The following SLC4A4 variants were observed in gnomAD, a reference collection of about 807,000 sequenced individuals.
The protein encoded by SLC4A4 is solute carrier family 4 member 4, also known as electrogenic sodium bicarbonate cotransporter 1.
In SLC4A4, 27 loss-of-function variants were observed where a neutral mutation model predicts 111.5. The observed-to-expected ratio is 0.24, with a 90% confidence interval of 0.18 to 0.33. SLC4A4 has a LOEUF of 0.33. Ranked by LOEUF, SLC4A4 falls within the 10% of genes least tolerant of loss-of-function variation. SLC4A4 has a pLI of 1.00. For missense variants in SLC4A4, 909 were observed against 1,315.5 expected, an observed-to-expected ratio of 0.69 and a Z score of 4.78; for synonymous variants, 443 against 463.4, an observed-to-expected ratio of 0.96 and a Z score of 0.57.
At chr4:71,382,233 C>T (rs150886103) in intron 6 of SLC4A4, among the ~76,000 whole-genome samples, 65 of 151,682 alleles carry the variant, frequency 4.3e-4, no homozygotes, top group African/African-American at 1.5e-3. Context: ...TTCCCAGTTT[C>T]AGGCTGGCGA....
chr4:71,508,495 A>G (rs920088664), intron 16 of SLC4A4, among the ~76,000 whole-genome samples: 1 of 152,162 alleles, frequency 6.6e-6, no homozygotes, highest in African/African-American at 2.4e-5. Flanking sequence ...ATGCACATAC[A>G]CTAGGAAGTC....
intron 1 of SLC4A4, among the ~76,000 whole-genome samples, chr4:71,084,210 G>C (rs1374055801): frequency 2.0e-5 from 3 of 151,952 alleles, no homozygotes; most frequent in African/African-American, 7.3e-5. Flanking sequence ...CATCTTCTAA[G>C]AGCATTATTA....
At chr4:71,369,552 T>C (rs1731656175) in intron 6 of SLC4A4, among the ~76,000 whole-genome samples, 1 of 152,150 alleles carries the variant, frequency 6.6e-6, no homozygotes, top group Non-Finnish European at 1.5e-5. Flanking sequence ...AGCATTCAAG[T>C]GCTAAGTAAG....
chr4:71,229,131 C>T (rs1324595183), intron 1 of SLC4A4, among the ~76,000 whole-genome samples: 1 of 152,296 alleles, frequency 6.6e-6, no homozygotes, highest in East Asian at 1.9e-4. Context: ...AAAATTTTGT[C>T]ACTCCATATA....
At chr4:71,225,522 T>C (rs10017746) in intron 1 of SLC4A4, among the ~76,000 whole-genome samples, 2 of 152,140 alleles carry the variant, frequency 1.3e-5, no homozygotes, top group African/African-American at 4.8e-5. Flanking sequence ...CTGACTGACA[T>C]GTAGCAAGAA....
At chr4:71,309,276 G>T (rs1351324196) in intron 3 of SLC4A4, among the ~76,000 whole-genome samples, 1 of 152,214 alleles carries the variant, frequency 6.6e-6, no homozygotes, top group Non-Finnish European at 1.5e-5. Context: ...GGGTGGCTGT[G>T]GGTGCAGCTT....
At chr4:71,354,109 C>T (rs1001140121) in intron 5 of SLC4A4, among the ~76,000 whole-genome samples, 1 of 152,198 alleles carries the variant, frequency 6.6e-6, no homozygotes, top group Admixed American at 6.5e-5. Context: ...TATTAGTATC[C>T]TCATTGTAAT....
At chr4:71,383,484 A>G (rs555975845) in intron 6 of SLC4A4, among the ~76,000 whole-genome samples, 2 of 152,336 alleles carry the variant, frequency 1.3e-5, no homozygotes, top group South Asian at 2.1e-4. Context: ...CCACCTCAGG[A>G]TATGAATTAG....
chr4:71,368,932 G>C (rs751518049), intron 6 of SLC4A4, among the ~76,000 whole-genome samples: 122 of 152,248 alleles, frequency 8.0e-4, no homozygotes, highest in Middle Eastern at 3.4e-3. Context: ...ACCCGCTTGT[G>C]TGATTTGCTT....
At chr4:71,533,127 G>T in intron 17 of SLC4A4, among the ~76,000 whole-genome samples, 1 of 152,028 alleles carries the variant, frequency 6.6e-6, no homozygotes, top group East Asian at 1.9e-4. Flanking sequence ...TTTAATAACT[G>T]CTTAATGAGG....
At chr4:71,098,511 T>C (rs1742623780) in intron 2 of SLC4A4, among the ~76,000 whole-genome samples, 1 of 152,206 alleles carries the variant, frequency 6.6e-6, no homozygotes, top group Non-Finnish European at 1.5e-5. Context: ...CTATTCAGAT[T>C]CTTTTTTGGT....
At chr4:71,445,658 T>C (rs1478908921) in intron 8 of SLC4A4, among the ~76,000 whole-genome samples, 1 of 152,272 alleles carries the variant, frequency 6.6e-6, no homozygotes, top group East Asian at 1.9e-4. Flanking sequence ...CACACCCTTA[T>C]TGAATTGAAA....
chr4:71,317,971 C>T (rs1302455017), intron 3 of SLC4A4, among the ~76,000 whole-genome samples: 1 of 152,134 alleles, frequency 6.6e-6, no homozygotes, highest in Non-Finnish European at 1.5e-5. Flanking sequence ...TATTTCTAAT[C>T]TAGTGTCCTT....
rs908676372 is a variant in SLC4A4, at chr4:71,102,513, G to C, written c.-2+9721G>C. On this transcript the variant is annotated intron_variant, in intron 2 of 26. Transcript: ENST00000649996. ...AATGAAGGAAAAATGTTAAGGGCAG[G>C]CAGAGAGAAAGGTCAGGTTACTCAC... Among the ~76,000 whole-genome samples, 153 of 152,180 alleles carry C rather than the reference G, an allele frequency of 1.0e-3. 1 individual carries two copies. Among genetic ancestry groups the C allele is most frequent in the African/African-American group, 3.2e-3 (134 of 41,518 alleles).
intron 4 of SLC4A4, among the ~76,000 whole-genome samples, chr4:71,344,729 C>T (rs774357300): frequency 1.3e-5 from 2 of 152,070 alleles, no homozygotes; most frequent in Non-Finnish European, 2.9e-5. Context: ...TGATTTCTTA[C>T]ATATTATTGA....
chr4:71,347,411 G>A (rs992726649), intron 4 of SLC4A4, among the ~76,000 whole-genome samples: 6 of 152,158 alleles, frequency 3.9e-5, no homozygotes, highest in African/African-American at 1.4e-4. Flanking sequence ...GAGGCTGGGA[G>A]GTCCAAGATC....
At chr4:71,199,930 C>T (rs946322971) in intron 1 of SLC4A4, among the ~76,000 whole-genome samples, 5 of 151,056 alleles carry the variant, frequency 3.3e-5, no homozygotes, top group Non-Finnish European at 5.9e-5. Flanking sequence ...GGATTACAGG[C>T]GTGAACCACT....
At chr4:71,411,964 T>C (rs955530260) in intron 7 of SLC4A4, among the ~76,000 whole-genome samples, 1 of 152,220 alleles carries the variant, frequency 6.6e-6, no homozygotes, top group Non-Finnish European at 1.5e-5. Context: ...TGGAAGAGGT[T>C]TCTAATGCCA....
chr4:71,091,293 C>T (rs1456288744), intron 1 of SLC4A4, among the ~76,000 whole-genome samples: 1 of 147,746 alleles, frequency 6.8e-6, no homozygotes, highest in Non-Finnish European at 1.5e-5. Flanking sequence ...TGCTTTGTTG[C>T]CCGGGCTGGA....
Sources: allele counts gnomAD v4.1 joint callset (sites outside exome capture counted in the v4.1 genomes callset), GRCh38; gene constraint gnomAD v4.1.1; transcripts MANE v1.5; gene names NCBI Gene and HGNC (gene_info 2026-07-23, HGNC 2026-07-21).